Variants in SPAG5 observed in about 807,000 individuals in gnomAD.
SPAG5 encodes sperm associated antigen 5, also known as sperm-associated antigen 5.
A neutral mutation model predicts 145.4 loss-of-function variants in SPAG5; 99 were observed. The observed-to-expected ratio is 0.68, with a 90% CI of 0.58 to 0.80. The LOEUF (loss-of-function observed/expected upper bound fraction) is 0.80, where lower values mean the gene tolerates loss of function less well. Among genes scored for constraint, SPAG5 ranks in the 30% least tolerant of loss-of-function variants. The probability of loss-of-function intolerance (pLI) is 0.00; values close to 1 mark genes in which losing one functional copy is unlikely to be tolerated. For synonymous variants in SPAG5, 477 were observed against 525.4 expected, an observed-to-expected ratio of 0.91 and a Z score of 1.26; for missense variants, 1,192 against 1,416.0, an observed-to-expected ratio of 0.84 and a Z score of 2.54.
At chr17:28,582,143 T>A (rs2070553272) in intron 15 of SPAG5, among the ~76,000 whole-genome samples, 1 of 152,182 alleles carries the variant, frequency 6.6e-6, no homozygotes, top group African/African-American at 2.4e-5. Context: ...TCCTGCCTAC[T>A]TCTCCAGTGT....
At chr17:28,585,686 G>A (rs370594965) in intron 7 of SPAG5, 33 bp from the exon 8 acceptor site, 3 of 1,612,240 alleles carry the variant, frequency 1.9e-6, no homozygotes, top group African/African-American at 2.7e-5. Context: ...GGCCACAGTG[G>A]GCAACAGGGG....
intron 2 of SPAG5, among the ~76,000 whole-genome samples, chr17:28,597,412 C>T (rs570801996): frequency 6.6e-6 from 1 of 152,248 alleles, no homozygotes; most frequent in East Asian, 1.9e-4. Flanking sequence ...AGCAAGACTC[C>T]GTCTCAAAAA....
chr17:28,583,517 C>G lies in SPAG5; in HGVS notation c.2679G>C (p.Lys893Asn). ...SLTLFLQTKLKEKTEQETLLL... is the reference protein window; with the variant it reads ...SLTLFLQTKLNEKTEQETLLL... ...AGGAACCCCAGGATCCTACCTTCTC[C>G]TTTAGTTTTGTCTGTAGAAAGAGAG... The change falls in exon 15 of 24, where the codon AAG becomes AAC. Residue 893 changes from lysine (K) to asparagine (N), a missense_variant. Lys to Asn is a moderately conservative substitution (Grantham distance 94). Around this residue, in one of 5 missense-constraint regions of SPAG5, gnomAD observed 709 missense variants for 840.7 expected, o/e 0.84. Transcript: ENST00000321765. 1 of 1,595,530 alleles carries G rather than the reference C, an allele frequency of 6.3e-7. No individual in the cohort carries two copies. The highest frequency in any genetic ancestry group is 1.1e-5 in the South Asian group (1 of 87,418).
rs143856391 is a variant in SPAG5 at position 28,588,634 on chromosome 17, C to T, written c.1438-2135G>A. On this transcript the variant is annotated intron_variant, in intron 4 of 23. Transcript: ENST00000321765. ...AGGTGCTATCAATTCCTTCACCTGC[C>T]ACCATTCCCTTCCTTCTTAGGCCTG... 1.2e-4 allele frequency among the ~76,000 whole-genome samples: 19 copies of T among 152,298 alleles called. No homozygotes were observed. In the East Asian group the frequency reaches 3.7e-3, roughly 29 times the overall value.
Position 28,598,612 on chromosome 17 carries a change from A to T in SPAG5, c.75T>A (p.Pro25=). ...CGGGCTGCAGGGTAAGTTCACGGAG[A>T]GGAGTTCTCATAGATGGTTTTCCCT... ...PQTGKPSMRT[P]LRELTLQPGA... is the part of the protein sequence containing the mutation. Residue 25 remains proline (P), a synonymous_variant, in exon 2 of 24, where the codon CCT becomes CCA. Coordinates refer to ENST00000321765, the MANE Select transcript of SPAG5 (RefSeq NM_006461.4). 1 of 1,608,848 alleles carries T rather than the reference A, an allele frequency of 6.2e-7. No individual in the cohort carries two copies.
intron 15 of SPAG5, chr17:28,580,550 T>A (rs574565675): frequency 6.5e-6 from 1 of 152,706 alleles, no homozygotes; most frequent in African/African-American, 2.4e-5. Context: ...AGCCTTACTT[T>A]CAAATGCAAT....
At chr17:28,589,346 G>A (rs141808020) in intron 4 of SPAG5, among the ~76,000 whole-genome samples, 3,175 of 152,092 alleles carry the variant, frequency 0.021, 68 homozygotes, top group Non-Finnish European at 0.03. Flanking sequence ...TGATCCTCCC[G>A]CCTCGGCCTC....
chr17:28,590,784 G>C (rs554275220), intron 4 of SPAG5, among the ~76,000 whole-genome samples: 1 of 144,776 alleles, frequency 6.9e-6, no homozygotes, highest in Admixed American at 7.5e-5. Flanking sequence ...CAGGAGAATC[G>C]CTTGAACCTG....
rs1567623756 is a variant in SPAG5 at position 28,583,511 on chromosome 17, C to T, written c.2685G>A (p.Lys895=). 4 of 1,589,204 alleles carry T rather than the reference C, an allele frequency of 2.5e-6. No individual in the cohort carries two copies. Among genetic ancestry groups the T allele is most frequent in the Non-Finnish European group, 2.6e-6 (3 of 1,171,776 alleles). The change falls in exon 15 of 24, where the codon AAG becomes AAA. Residue 895 remains lysine (K), a splice_region_variant and synonymous_variant. Transcript: ENST00000321765. ...AAGAGAAGGAACCCCAGGATCCTAC[C>T]TTCTCCTTTAGTTTTGTCTGTAGAA... ...TLFLQTKLKE[K]TEQETLLLST...
At chr17:28,578,814 G>A (rs548453259) in intron 19 of SPAG5, 62 bp from the exon 20 acceptor site, 1 of 1,359,708 alleles carries the variant, frequency 7.4e-7, no homozygotes, top group Admixed American at 1.7e-5. Flanking sequence ...GCCCTTGCCA[G>A]GAGGTAGGAG....
intron 2 of SPAG5, 152 bp from the exon 3 acceptor site, chr17:28,593,218 G>T: frequency 9.8e-7 from 1 of 1,024,510 alleles, no homozygotes; most frequent in Non-Finnish European, 1.4e-6. Flanking sequence ...CTCATATAGA[G>T]ACCCAATAGT....
At position 28,578,407 on chromosome 17, in the gene SPAG5, T is replaced by C. The variant is rs372270250; in HGVS notation, c.3320A>G (p.Asn1107Ser). 4.6e-5 allele frequency: 74 copies of C among 1,614,180 alleles called. No individual in the cohort carries two copies. The highest frequency in any genetic ancestry group is 1.1e-4 in the East Asian group (5 of 44,884). The change falls in exon 21 of 24, where the codon AAT becomes AGT. Residue 1107 changes from asparagine (N) to serine (S), a missense_variant. Transcript: ENST00000321765. The stretch of plus-strand genomic sequence containing the variant: ...GAGCCACACTTTCTCCTGGATCCAA[T>C]TGGTGGCCATAGGCTGGCAGTTGGA... Reference protein sequence around the residue: ...LDSNCQPMATNWIQEKVWLSQ... With the variant: ...LDSNCQPMATSWIQEKVWLSQ...
Position 28,584,417 on chromosome 17 carries a change from T to C in SPAG5, c.2225A>G (p.Gln742Arg), listed in dbSNP as rs1250254749. Residue 742 changes from glutamine to arginine, a missense_variant, in exon 12 of 24, where the codon CAG becomes CGG. Gln to Arg is a conservative substitution (Grantham distance 43). Around this residue, in one of 5 missense-constraint regions of SPAG5, gnomAD observed 709 missense variants for 840.7 expected, o/e 0.84. Coordinates refer to ENST00000321765, the MANE Select transcript of SPAG5 (RefSeq NM_006461.4). ...MDSQLKELQS[Q>R]HTHCAQDLAM... ...CAGGTCCTGGGCACAATGGGTATGCTGACTCTGTAGCTCTTTTAGCTGGCT... is the reference window on the plus strand; with the variant it reads ...CAGGTCCTGGGCACAATGGGTATGCCGACTCTGTAGCTCTTTTAGCTGGCT... The C allele has an allele frequency of 2.5e-6, 4 of 1,614,080 alleles. No homozygotes were observed. Among genetic ancestry groups the C allele is most frequent in the Non-Finnish European group, 3.4e-6 (4 of 1,180,046 alleles).
intron 4 of SPAG5, among the ~76,000 whole-genome samples, chr17:28,587,242 C>G (rs2070590684): frequency 1.4e-5 from 2 of 145,478 alleles, no homozygotes; most frequent in Non-Finnish European, 3.0e-5. Flanking sequence ...AGTGAAACCC[C>G]ATCTCTAAAA....
At chr17:28,580,174 C>T (rs1169849348) in intron 15 of SPAG5, 54 bp from the exon 16 acceptor site, 4 of 1,247,266 alleles carry the variant, frequency 3.2e-6, no homozygotes, top group Non-Finnish European at 3.4e-6. Context: ...AACTCCTGGG[C>T]TTCCAGGTAA....
chr17:28,582,430 C>T (rs1219466303), intron 15 of SPAG5, among the ~76,000 whole-genome samples: 1 of 152,188 alleles, frequency 6.6e-6, no homozygotes, highest in Non-Finnish European at 1.5e-5. Context: ...CCTCCCCTGC[C>T]CCACAAACGT....
chr17:28,585,475 G>T, intron 8 of SPAG5, 59 bp downstream of exon 8: 1 of 1,613,194 alleles, frequency 6.2e-7, no homozygotes, highest in Non-Finnish European at 8.5e-7. Flanking sequence ...GTGGGAGTAT[G>T]CAACTACCCT....
Position 28,592,853 on chromosome 17 carries a change from C to T in SPAG5, c.391G>A (p.Val131Ile), listed in dbSNP as rs1340044164. 22 of 1,614,048 alleles carry T rather than the reference C, an allele frequency of 1.4e-5. No homozygotes were observed. Among genetic ancestry groups the T allele is most frequent in the Non-Finnish European group, 1.8e-5 (21 of 1,180,048 alleles). Residue 131 changes from valine (V) to isoleucine (I), a missense_variant, in exon 3 of 24, where the codon GTC (valine) becomes ATC (isoleucine). Val to Ile is a conservative substitution (Grantham distance 29). This residue lies in a region of SPAG5 where 329 missense variants were observed against 354.0 expected (regional missense o/e 0.93). Transcript: ENST00000321765. The part of the protein sequence containing the change: ...PLGNYMVKTI[V>I]LVPSPLGQQQ... The stretch of plus-strand genomic sequence containing the variant: ...TGCCCCAGTGGAGATGGTACAAGGA[C>T]GATGGTTTTAACCATATAATTGCCC...
At chr17:28,586,930 T>G (rs571534854) in intron 4 of SPAG5, among the ~76,000 whole-genome samples, 1 of 152,270 alleles carries the variant, frequency 6.6e-6, no homozygotes, top group East Asian at 1.9e-4. Flanking sequence ...TTATTTTTTA[T>G]TTTCTGTAGA....
Sources: gnomAD v4.1 joint callset for allele counts (sites outside exome capture counted in the v4.1 genomes callset) on GRCh38, gnomAD v4.1.1 for gene constraint, gnomAD v4.1.1 regional missense constraint, MANE v1.5 for transcripts, NCBI Gene and HGNC (gene_info 2026-07-23, HGNC 2026-07-21) for gene names.